The following CTNNA2 variants were observed in gnomAD, a reference collection of about 807,000 sequenced individuals.
The protein encoded by CTNNA2 is catenin alpha 2.
In CTNNA2, 42 loss-of-function variants were observed where a neutral mutation model predicts 101.0. The ratio of observed to expected loss-of-function variants is 0.42; its 90% CI spans 0.32 to 0.54. CTNNA2 has a LOEUF of 0.54. CTNNA2 is among the 20% of genes least tolerant of loss of function. The pLI is 0.14. For missense variants in CTNNA2, 871 were observed against 1,223.1 expected (o/e 0.71, Z 4.29); for synonymous variants, 450 against 456.4 (o/e 0.99, Z 0.18).
intron 15 of CTNNA2, chr2:80,603,429 G>T (rs1474960169): frequency 6.6e-6 from 1 of 152,034 alleles, no homozygotes; most frequent in East Asian, 1.9e-4. Context: ...TCATAAATCA[G>T]TATCGGAAGC....
intron 7 of CTNNA2, among the ~76,000 whole-genome samples, chr2:79,979,181 T>G (rs1691079243): frequency 6.6e-6 from 1 of 151,980 alleles, no homozygotes; most frequent in Non-Finnish European, 1.5e-5. Flanking sequence ...AGTCCAGGAT[T>G]TTGACCAGCC....
At chr2:80,519,636 C>T (rs1045282340) in intron 9 of CTNNA2, among the ~76,000 whole-genome samples, 9 of 152,226 alleles carry the variant, frequency 5.9e-5, no homozygotes, top group African/African-American at 1.4e-4. Flanking sequence ...TTCTGACCTC[C>T]TCTGAATTCC....
intron 7 of CTNNA2, among the ~76,000 whole-genome samples, chr2:80,238,227 C>T (rs909031301): frequency 6.6e-6 from 1 of 151,976 alleles, no homozygotes; most frequent in Non-Finnish European, 1.5e-5. Flanking sequence ...ATTTGAGGCT[C>T]CAGGGCAAGG....
At chr2:79,595,078 C>G (rs959186447) in intron 1 of CTNNA2, among the ~76,000 whole-genome samples, 3 of 152,078 alleles carry the variant, frequency 2.0e-5, no homozygotes, top group Non-Finnish European at 2.9e-5. Context: ...TGCTTTCTCT[C>G]TTTAGTCCAC....
At chr2:80,593,260 A>G (rs1230519781) in intron 15 of CTNNA2, among the ~76,000 whole-genome samples, 1 of 152,148 alleles carries the variant, frequency 6.6e-6, no homozygotes, top group Admixed American at 6.5e-5. Context: ...CAACGTGGCC[A>G]GTCTTCTTGT....
intron 9 of CTNNA2, among the ~76,000 whole-genome samples, chr2:80,510,039 C>T (rs890737175): frequency 4.6e-5 from 7 of 152,142 alleles, no homozygotes; most frequent in African/African-American, 1.7e-4. Flanking sequence ...AGGGCAATGC[C>T]TATGTTCTAT....
intron 9 of CTNNA2, among the ~76,000 whole-genome samples, chr2:80,539,631 A>G (rs988474406): frequency 5.3e-5 from 8 of 152,070 alleles, no homozygotes; most frequent in Non-Finnish European, 1.2e-4. Flanking sequence ...CTTTCCCTCA[A>G]GATAACTGGT....
chr2:79,580,011 G>A (rs1174120878), intron 1 of CTNNA2, among the ~76,000 whole-genome samples: 1 of 152,156 alleles, frequency 6.6e-6, no homozygotes, highest in African/African-American at 2.4e-5. Context: ...TCTTCTCTTG[G>A]ATGTTACCAC....
At chr2:80,432,204 A>G (rs1681602733) in intron 9 of CTNNA2, among the ~76,000 whole-genome samples, 1 of 152,090 alleles carries the variant, frequency 6.6e-6, no homozygotes, top group African/African-American at 2.4e-5. Context: ...ATCCTTTTCC[A>G]GTCTCCAGAA....
chr2:80,295,905 G>A (rs1366311392), intron 7 of CTNNA2, among the ~76,000 whole-genome samples: 1 of 152,144 alleles, frequency 6.6e-6, no homozygotes, highest in East Asian at 1.9e-4. Flanking sequence ...TCACTCATCT[G>A]TGTTGCCTGT....
chr2:79,501,952 C>T (rs1388917613), intron 4 of CTNNA2, among the ~76,000 whole-genome samples: 2 of 147,512 alleles, frequency 1.4e-5, no homozygotes, highest in Non-Finnish European at 3.0e-5. Context: ...CTCCCATATT[C>T]AAGGATATTA....
At chr2:79,661,062 C>G (rs1682001139) in intron 2 of CTNNA2, among the ~76,000 whole-genome samples, 1 of 152,154 alleles carries the variant, frequency 6.6e-6, no homozygotes, top group Admixed American at 6.5e-5. Flanking sequence ...AGCTCCCTGT[C>G]TTTTGTGTTT....
At chr2:80,448,752 A>G (rs141648616) in intron 9 of CTNNA2, among the ~76,000 whole-genome samples, 164 of 152,284 alleles carry the variant, frequency 1.1e-3, no homozygotes, top group African/African-American at 3.8e-3. Flanking sequence ...CTGATAAAAT[A>G]TCATGTATCC....
intron 4 of CTNNA2, among the ~76,000 whole-genome samples, chr2:79,467,382 A>G (rs951330971): frequency 1.2e-4 from 18 of 152,236 alleles, no homozygotes; most frequent in Non-Finnish European, 2.5e-4. Context: ...CTATGTGAAA[A>G]GACCAAATCT....
At chr2:80,196,700 G>A (rs113283168) in intron 7 of CTNNA2, among the ~76,000 whole-genome samples, 3,840 of 152,196 alleles carry the variant, frequency 0.025, 156 homozygotes, top group African/African-American at 0.086. Flanking sequence ...CTATGAAGCC[G>A]TTCTCTACAC....
At chr2:80,386,471 T>G (rs1677012816) in intron 7 of CTNNA2, among the ~76,000 whole-genome samples, 1 of 152,170 alleles carries the variant, frequency 6.6e-6, no homozygotes, top group Non-Finnish European at 1.5e-5. Flanking sequence ...TAAATAATGG[T>G]GCTATTTGTA....
intron 9 of CTNNA2, among the ~76,000 whole-genome samples, chr2:80,485,356 T>C (rs1686488220): frequency 6.6e-6 from 1 of 152,196 alleles, no homozygotes; most frequent in Non-Finnish European, 1.5e-5. Context: ...GAATTACTTT[T>C]CTGATAACTC....
intron 2 of CTNNA2, among the ~76,000 whole-genome samples, chr2:79,679,119 A>G (rs192785773): frequency 3.9e-5 from 6 of 152,340 alleles, no homozygotes; most frequent in Non-Finnish European, 8.8e-5. Context: ...GAGAATTACT[A>G]ACATTATAAA....
chr2:79,660,525 A>G (rs561811774), intron 2 of CTNNA2, among the ~76,000 whole-genome samples: 6 of 152,184 alleles, frequency 3.9e-5, no homozygotes, highest in African/African-American at 1.2e-4. Context: ...GTATTTTAAT[A>G]TAAACATTTC....
Sources: allele counts gnomAD v4.1 joint callset (sites outside exome capture counted in the v4.1 genomes callset), GRCh38; gene constraint gnomAD v4.1.1; transcripts MANE v1.5; gene names NCBI Gene and HGNC (gene_info 2026-07-23, HGNC 2026-07-21).